The following ZFHX3 variants were observed in gnomAD, a reference collection of about 807,000 sequenced individuals.
ZFHX3 encodes the protein zinc finger homeobox protein 3.
A neutral mutation model predicts 279.1 loss-of-function variants in ZFHX3; 42 were observed. That is an observed-to-expected ratio of 0.15 (90% CI 0.12 to 0.19). ZFHX3 has a LOEUF of 0.19. Among genes scored for constraint, ZFHX3 ranks in the 10% least tolerant of loss-of-function variants. The probability of loss-of-function intolerance (pLI) is 1.00; values close to 1 mark genes in which losing one functional copy is unlikely to be tolerated. For synonymous variants in ZFHX3, 2,293 were observed against 1,957.8 expected (o/e 1.17, Z -4.52); for missense variants, 4,981 against 4,754.0 (o/e 1.05, Z -1.40).
intron 2 of ZFHX3, among the ~76,000 whole-genome samples, chr16:73,657,929 A>G (rs1239478187): frequency 6.6e-6 from 1 of 152,224 alleles, no homozygotes; most frequent in African/African-American, 2.4e-5. Context: ...CAGTTTTTCT[A>G]TGAACACTTA....
At chr16:72,978,714 G>A (rs575147080) in intron 1 of ZFHX3, among the ~76,000 whole-genome samples, 1 of 152,310 alleles carries the variant, frequency 6.6e-6, no homozygotes, top group African/African-American at 2.4e-5. Context: ...CAGGGATGCA[G>A]AATAAACATC....
chr16:72,883,378 G>A (rs564327825), intron 4 of ZFHX3, among the ~76,000 whole-genome samples: 1 of 152,092 alleles, frequency 6.6e-6, no homozygotes, highest in Non-Finnish European at 1.5e-5. Flanking sequence ...TTCGTAGCCT[G>A]TTAGTGATTC....
intron 4 of ZFHX3, among the ~76,000 whole-genome samples, chr16:73,285,306 G>A (rs2014567105): frequency 6.6e-6 from 1 of 152,214 alleles, no homozygotes; most frequent in Non-Finnish European, 1.5e-5. Flanking sequence ...GAGATTAAGG[G>A]ATCGGTAGAG....
chr16:73,782,379 C>G (rs1198213628), intron 1 of ZFHX3, among the ~76,000 whole-genome samples: 2 of 152,190 alleles, frequency 1.3e-5, no homozygotes, highest in African/African-American at 4.8e-5. Context: ...ATATGTATAA[C>G]ACATGCAAAA....
intron 1 of ZFHX3, among the ~76,000 whole-genome samples, chr16:73,877,179 T>C (rs1171296450): frequency 1.2e-5 from 1 of 85,216 alleles, no homozygotes; most frequent in African/African-American, 5.0e-5. Context: ...AGAAACGAGA[T>C]GGTTGGGTTC....
At chr16:73,874,900 A>G (rs1032177960) in intron 1 of ZFHX3, among the ~76,000 whole-genome samples, 5 of 152,248 alleles carry the variant, frequency 3.3e-5, no homozygotes, top group Non-Finnish European at 7.3e-5. Context: ...TGCAATAGCA[A>G]TGGCATATAA....
At chr16:73,215,652 TG>T (rs2012178150) in intron 5 of ZFHX3, among the ~76,000 whole-genome samples, 2 of 152,168 alleles carry the variant, frequency 1.3e-5, no homozygotes, top group African/African-American at 4.8e-5. Flanking sequence ...CAAACTGCTG[TG>T]TTTTCTCCAC....
Position 72,958,851 on chromosome 16 carries a change from T to G in ZFHX3, c.1295A>C (p.Glu432Ala), listed in dbSNP as rs760213017. ...TTCTGCCGCCCCAGAGTCCTTGCCCTCTGAGGATTTGGTAGGACTGGAAGC... is the reference window on the plus strand; with the variant it reads ...TTCTGCCGCCCCAGAGTCCTTGCCCGCTGAGGATTTGGTAGGACTGGAAGC... ...PLASSPTKSSEGKDSGAAEGE... is the reference protein window; with the variant it reads ...PLASSPTKSSAGKDSGAAEGE... The change falls in exon 2 of 10, where the codon GAG becomes GCG. Residue 432 changes from glutamate (E) to alanine (A), a missense_variant. By Grantham distance (107) the Glu-to-Ala change is moderately radical. Transcript: ENST00000268489. 2.8e-5 allele frequency: 45 copies of G among 1,613,734 alleles called. No homozygotes were observed. The East Asian group carries it at 1.0e-3, about 36-fold the overall frequency.
chr16:73,635,435 C>T (rs999080515), intron 2 of ZFHX3, among the ~76,000 whole-genome samples: 7 of 152,202 alleles, frequency 4.6e-5, no homozygotes, highest in African/African-American at 1.7e-4. Flanking sequence ...AACAGACAAA[C>T]ACACACGTAT....
intron 3 of ZFHX3, among the ~76,000 whole-genome samples, chr16:73,418,365 G>A (rs1597327805): frequency 6.6e-6 from 1 of 152,194 alleles, no homozygotes; most frequent in African/African-American, 2.4e-5. Flanking sequence ...TACCTGGCCC[G>A]ATCACCTGGA....
In ZFHX3 at chr16:73,799,551, C is replaced by T. The variant is rs145061805; in HGVS notation, c.-1608+92100G>A. 1.5e-3 allele frequency among the ~76,000 whole-genome samples: 236 copies of T among 152,266 alleles called. 1 individual carries two copies. The highest frequency in any genetic ancestry group is 6.8e-3 in the Middle Eastern group (2 of 294). On this transcript the variant is annotated intron_variant, in intron 1 of 17. Transcript: ENST00000641206. ...GCTGGTACCCAGGCTCCTGGTGCAC[C>T]TGTTGCTCACATCCCCTGGAAACAG...
intron 2 of ZFHX3, among the ~76,000 whole-genome samples, chr16:73,659,793 T>G (rs1306058771): frequency 6.6e-6 from 1 of 152,228 alleles, no homozygotes; most frequent in Non-Finnish European, 1.5e-5. Context: ...TCTTATTGCA[T>G]GCGGTTCCAA....
chr16:72,860,226 T>G (rs2037850862), intron 4 of ZFHX3, among the ~76,000 whole-genome samples: 1 of 152,110 alleles, frequency 6.6e-6, no homozygotes, highest in Admixed American at 6.5e-5. Flanking sequence ...CTGGTCCCCC[T>G]GCAGAGCTGG....
intron 3 of ZFHX3, among the ~76,000 whole-genome samples, chr16:73,356,771 T>C (rs2016347687): frequency 6.6e-6 from 1 of 151,962 alleles, no homozygotes; most frequent in Non-Finnish European, 1.5e-5. Context: ...TTCACTCACG[T>C]CCTTTCAACA....
chr16:73,842,328 T>C (rs1011805610), intron 1 of ZFHX3, among the ~76,000 whole-genome samples: 1 of 151,772 alleles, frequency 6.6e-6, no homozygotes, highest in African/African-American at 2.4e-5. Context: ...TGAGAAAGGG[T>C]AGGTCTTAGG....
intron 5 of ZFHX3, among the ~76,000 whole-genome samples, chr16:73,217,111 T>C (rs1312342534): frequency 6.6e-6 from 1 of 152,222 alleles, no homozygotes; most frequent in Non-Finnish European, 1.5e-5. Flanking sequence ...GTAATAATGT[T>C]GCTGTTTTCC....
chr16:73,646,202 A>G (rs964333188), intron 2 of ZFHX3, among the ~76,000 whole-genome samples: 9 of 152,204 alleles, frequency 5.9e-5, no homozygotes, highest in African/African-American at 2.2e-4. Flanking sequence ...TTCCAACATG[A>G]GGTGATAGAT....
At chr16:73,684,873 G>A (rs925827862) in intron 1 of ZFHX3, among the ~76,000 whole-genome samples, 2 of 151,804 alleles carry the variant, frequency 1.3e-5, no homozygotes, top group African/African-American at 4.8e-5. Flanking sequence ...GCTAATTTTT[G>A]TCTTTTTAGT....
chr16:73,891,130 T>A (rs779093022), intron 1 of ZFHX3, among the ~76,000 whole-genome samples: 3 of 150,862 alleles, frequency 2.0e-5, no homozygotes, highest in Non-Finnish European at 4.4e-5. Flanking sequence ...CACTTTGACA[T>A]GCAAATGAGC....
Sources: gnomAD v4.1 joint callset for allele counts (sites outside exome capture counted in the v4.1 genomes callset) on GRCh38, gnomAD v4.1.1 for gene constraint, MANE v1.5 for transcripts, NCBI Gene and HGNC (gene_info 2026-07-23, HGNC 2026-07-21) for gene names.